DYSF: variants seen among roughly 807,000 people sequenced by gnomAD.
DYSF encodes the protein dysferlin, also known as dystrophy-associated fer-1-like 1.
Under a neutral mutation model 274.9 loss-of-function variants are expected in DYSF, and 212 were observed. That is an observed-to-expected ratio of 0.77 (90% confidence interval 0.69 to 0.86). The LOEUF (loss-of-function observed/expected upper bound fraction) is 0.86, where lower values mean the gene tolerates loss of function less well. Among genes scored for constraint, DYSF ranks in the 40% least tolerant of loss-of-function variants. The pLI is 0.00. For missense variants in DYSF, 2,666 were observed against 2,783.2 expected (o/e 0.96, Z 0.95); for synonymous variants, 1,091 against 1,078.7 (o/e 1.01, Z -0.22).
chr2:71,539,181 C>A lies in DYSF; in HGVS notation c.1518C>A (p.Ile506=), dbSNP rs34387018. Residue 506 remains isoleucine (I), a synonymous_variant, in exon 17 of 56, where the codon ATC becomes ATA. Transcript: ENST00000410020. The stretch of plus-strand genomic sequence containing the variant: ...GGGACCGCCTGACTCACAATGACAT[C>A]GTGGCTACCACCTACCTGAGTATGT... ...IDWDRLTHND[I]VATTYLSMSK... The A allele has an allele frequency of 1.3e-4, 212 of 1,614,076 alleles. No homozygotes were observed. The African/African-American group carries it at 2.6e-3, about 20-fold the overall frequency.
In DYSF at chr2:71,553,121, G is replaced by A. The variant is rs769518034; in HGVS notation, c.1917G>A (p.Gly639=). ...TTGAGGTCAGCATCGGGAACTACGG[G>A]AACAAGTTCGACATGACCTGCCTGC... is the stretch of plus-strand genomic sequence containing the variant. ...IQFEVSIGNY[G]NKFDMTCLPL... is the part of the protein sequence containing the mutation. Residue 639 remains glycine (G), a synonymous_variant, in exon 20 of 56, where the codon GGG becomes GGA. Transcript: ENST00000410020. The A allele has an allele frequency of 3.0e-5, 48 of 1,614,008 alleles. No homozygotes were observed. In the Admixed American group the frequency reaches 7.8e-4, roughly 26 times the overall value.
intron 3 of DYSF, among the ~76,000 whole-genome samples, chr2:71,487,152 A>G (rs1409369064): frequency 6.6e-6 from 1 of 152,176 alleles, no homozygotes; most frequent in Admixed American, 6.5e-5. Flanking sequence ...TGCCCACTAG[A>G]ACTTTCTGAG....
Position 71,611,352 on chromosome 2 carries a change from CCGTCCGGGCCTGGG to C in DYSF, c.4059+10_4059+23del. On this transcript the variant is annotated splice_region_variant and intron_variant, in intron 37 of 55. Coordinates refer to ENST00000410020, the MANE Select transcript of DYSF (RefSeq NM_001130987.2). ...TCCAGCGTACCGCCATCGAGGTGAG[CCGTCCGGGCCTGGG>C]CGTGGGGGCTGGGAGCAGCCTGCCC... The C allele has an allele frequency of 6.2e-7, 1 of 1,613,062 alleles. No homozygotes were observed. Among genetic ancestry groups the C allele is most frequent in the Non-Finnish European group, 8.5e-7 (1 of 1,179,822 alleles).
intron 32 of DYSF, among the ~76,000 whole-genome samples, chr2:71,595,670 T>C (rs2093385671): frequency 6.6e-6 from 1 of 152,178 alleles, no homozygotes; most frequent in African/African-American, 2.4e-5. Context: ...GGTCCCTGAC[T>C]CCCTTGTGGT....
At chr2:71,582,541 A>T (rs545415249) in intron 30 of DYSF, among the ~76,000 whole-genome samples, 2 of 152,212 alleles carry the variant, frequency 1.3e-5, no homozygotes, top group Non-Finnish European at 2.9e-5. Flanking sequence ...TGTACACTAC[A>T]TCATCATGTT....
At chr2:71,549,624 C>T (rs966351227) in intron 17 of DYSF, among the ~76,000 whole-genome samples, 1 of 151,846 alleles carries the variant, frequency 6.6e-6, no homozygotes, top group South Asian at 2.1e-4. Flanking sequence ...CCCAACCCTT[C>T]CTAAATGGGA....
At chr2:71,620,264 C>A (rs114171096) in intron 40 of DYSF, among the ~76,000 whole-genome samples, 2 of 152,172 alleles carry the variant, frequency 1.3e-5, no homozygotes, top group African/African-American at 2.4e-5. Context: ...TTGTGCTGGG[C>A]GTGCACAGCC....
At chr2:71,582,097 A>G (rs2092915557) in intron 30 of DYSF, among the ~76,000 whole-genome samples, 1 of 115,034 alleles carries the variant, frequency 8.7e-6, no homozygotes, top group African/African-American at 3.5e-5. Flanking sequence ...ACAGAAGGAG[A>G]CTCCGTCTCA....
chr2:71,672,629 G>A (rs1454756074), intron 51 of DYSF, among the ~76,000 whole-genome samples: 1 of 152,254 alleles, frequency 6.6e-6, no homozygotes, highest in Non-Finnish European at 1.5e-5. Context: ...GACCTGGGGG[G>A]GTTCATTCCC....
chr2:71,510,969 T>G (rs1407347445), intron 4 of DYSF, among the ~76,000 whole-genome samples: 2 of 152,230 alleles, frequency 1.3e-5, no homozygotes, highest in African/African-American at 4.8e-5. Flanking sequence ...TTCCCAAACT[T>G]TCTTAGAGTA....
chr2:71,602,745 G>A, intron 35 of DYSF, 31 bp from the exon 36 acceptor site: 1 of 1,611,298 alleles, frequency 6.2e-7, no homozygotes. Context: ...ACCATCTCCT[G>A]GATGTGCCAC....
chr2:71,454,652 T>C (rs960387561), intron 1 of DYSF, among the ~76,000 whole-genome samples: 1 of 152,122 alleles, frequency 6.6e-6, no homozygotes, highest in Non-Finnish European at 1.5e-5. Context: ...AGCACCAACC[T>C]TTACAGACTT....
intron 26 of DYSF, among the ~76,000 whole-genome samples, chr2:71,569,031 C>T (rs1297191440): frequency 6.6e-6 from 1 of 152,134 alleles, no homozygotes; most frequent in Non-Finnish European, 1.5e-5. Flanking sequence ...TGCCACTACG[C>T]CCAGCTAATT....
chr2:71,486,818 T>C (rs2152690298), intron 3 of DYSF, among the ~76,000 whole-genome samples: 1 of 152,274 alleles, frequency 6.6e-6, no homozygotes, highest in Non-Finnish European at 1.5e-5. Flanking sequence ...ACCTAGCGGG[T>C]GGTCCTGGGA....
chr2:71,649,432 T>C (rs57794155), intron 42 of DYSF, among the ~76,000 whole-genome samples: 4 of 152,038 alleles, frequency 2.6e-5, no homozygotes, highest in Non-Finnish European at 4.4e-5. Flanking sequence ...CAAAGGTAAA[T>C]GTTAAGGAAG....
chr2:71,612,055 C>T (rs548020419), intron 38 of DYSF, among the ~76,000 whole-genome samples: 5 of 152,324 alleles, frequency 3.3e-5, no homozygotes, highest in African/African-American at 4.8e-5. Flanking sequence ...GGCCTCTCCA[C>T]CTCCCTGGGA....
rs1353675561 is a variant in DYSF at position 71,553,022 on chromosome 2, G to A, written c.1818G>A (p.Arg606=). 1 of 1,614,130 alleles carries A rather than the reference G, an allele frequency of 6.2e-7. No individual in the cohort carries two copies. The highest frequency in any genetic ancestry group is 8.5e-7 in the Non-Finnish European group (1 of 1,180,030). Residue 606 remains arginine, a synonymous_variant, in exon 20 of 56, where the codon AGG becomes AGA. Transcript: ENST00000410020. ...CTCTCTGCTCTCAGAAGTACCTTAG[G>A]AGGCGCAAGTACTCCCTGTTTGCGG... is the stretch of plus-strand genomic sequence containing the variant. ...DDILRVEKYL[R]RRKYSLFAAF...
intron 13 of DYSF, among the ~76,000 whole-genome samples, chr2:71,527,909 T>C (rs570844366): frequency 5.9e-5 from 9 of 152,242 alleles, no homozygotes; most frequent in African/African-American, 2.2e-4. Context: ...ATCGCTGCGC[T>C]AATAGATTTA....
intron 36 of DYSF, among the ~76,000 whole-genome samples, chr2:71,603,077 A>T (rs2093583077): frequency 6.6e-6 from 1 of 152,200 alleles, no homozygotes; most frequent in African/African-American, 2.4e-5. Flanking sequence ...AGATTCTTAA[A>T]TGATTAAGTA....
Sources: allele counts gnomAD v4.1 joint callset (sites outside exome capture counted in the v4.1 genomes callset), GRCh38; gene constraint gnomAD v4.1.1; transcripts MANE v1.5; gene names NCBI Gene and HGNC (gene_info 2026-07-23, HGNC 2026-07-21).